Variants in PPP4R3A observed in about 807,000 individuals in gnomAD.
The protein encoded by PPP4R3A is protein phosphatase 4 regulatory subunit 3A.
PPP4R3A carries 15 observed loss-of-function variants against 91.7 expected under a neutral mutation model. That is an observed-to-expected ratio of 0.16 (90% confidence interval 0.11 to 0.25). The LOEUF (loss-of-function observed/expected upper bound fraction) is 0.25, where lower values mean the gene tolerates loss of function less well. Ranked by LOEUF, PPP4R3A falls within the 10% of genes least tolerant of loss-of-function variation. The pLI is 1.00. For synonymous variants in PPP4R3A, 377 were observed against 348.7 expected, an observed-to-expected ratio of 1.08 and a Z score of -0.91; for missense variants, 623 against 998.4, an observed-to-expected ratio of 0.62 and a Z score of 5.07.
intron 10 of PPP4R3A, among the ~76,000 whole-genome samples, chr14:91,469,541 C>T (rs1341943568): frequency 6.6e-6 from 1 of 152,120 alleles, no homozygotes; most frequent in Non-Finnish European, 1.5e-5. Flanking sequence ...TAAAAGAAAG[C>T]AATGTTGCTT....
chr14:91,498,005 T>C (rs189399336), intron 1 of PPP4R3A, among the ~76,000 whole-genome samples: 1 of 152,344 alleles, frequency 6.6e-6, no homozygotes, highest in Admixed American at 6.5e-5. Context: ...GATGAGAATC[T>C]TTCTGGTTTT....
intron 1 of PPP4R3A, among the ~76,000 whole-genome samples, chr14:91,495,795 T>A (rs1197942754): frequency 2.0e-5 from 3 of 152,126 alleles, no homozygotes; most frequent in African/African-American, 7.2e-5. Context: ...AGCGCACGCC[T>A]GTAGTCCTAG....
At chr14:91,503,893 G>A (rs1891114856) in intron 1 of PPP4R3A, among the ~76,000 whole-genome samples, 1 of 152,138 alleles carries the variant, frequency 6.6e-6, no homozygotes, top group African/African-American at 2.4e-5. Flanking sequence ...GAACTTTGCA[G>A]GTATACGGCT....
At chr14:91,507,455 A>AATTATATATACTATATAG (rs1566660499) in intron 1 of PPP4R3A, among the ~76,000 whole-genome samples, 11 of 134,256 alleles carry the variant, frequency 8.2e-5, no homozygotes, top group African/African-American at 3.0e-4. Flanking sequence ...TATATAGTAT[A>AATTATATATACTATATAG]TATACTATAA....
chr14:91,459,954 T>C (rs1168588137), intron 14 of PPP4R3A, among the ~76,000 whole-genome samples: 2 of 152,162 alleles, frequency 1.3e-5, no homozygotes, highest in African/African-American at 4.8e-5. Context: ...TGACTCTTCC[T>C]CATCATTTCA....
intron 4 of PPP4R3A, among the ~76,000 whole-genome samples, chr14:91,478,795 G>C (rs1212867738): frequency 3.3e-5 from 5 of 152,122 alleles, no homozygotes; most frequent in Non-Finnish European, 5.9e-5. Context: ...TTCTAAACAG[G>C]AACAGACATG....
chr14:91,468,018 T>G (rs893319112), intron 10 of PPP4R3A, among the ~76,000 whole-genome samples: 1 of 152,210 alleles, frequency 6.6e-6, no homozygotes, highest in African/African-American at 2.4e-5. Context: ...AAAACTCCTA[T>G]TGCATACTAC....
At chr14:91,507,464 A>AATTATATATACTACATAGTATATATACT (rs1891435661) in intron 1 of PPP4R3A, among the ~76,000 whole-genome samples, 1 of 135,560 alleles carries the variant, frequency 7.4e-6, no homozygotes, top group Non-Finnish European at 1.5e-5. Context: ...TATATACTAT[A>AATTATATATACTACATAGTATATATACT]ATTATATATA....
intron 4 of PPP4R3A, among the ~76,000 whole-genome samples, chr14:91,478,466 T>G (rs1379802580): frequency 6.6e-6 from 1 of 152,252 alleles, no homozygotes; most frequent in Non-Finnish European, 1.5e-5. Flanking sequence ...AAAACATTTG[T>G]AAAATGCTAC....
chr14:91,462,742 G>C lies in PPP4R3A; in HGVS notation c.1966C>G (p.Leu656Val). 1 of 1,613,668 alleles carries C rather than the reference G, an allele frequency of 6.2e-7. No individual in the cohort carries two copies. Among genetic ancestry groups the C allele is most frequent in the Non-Finnish European group, 8.5e-7 (1 of 1,179,800 alleles). The stretch of plus-strand genomic sequence containing the variant: ...AAATATATGGTAATTTACCTGTCAA[G>C]TTTGGGATTATCTTGCCTTTCTCTT... Reference protein sequence around the residue: ...QQRERQDNPKLDSMRSILRNH... With the variant: ...QQRERQDNPKVDSMRSILRNH... The change falls in exon 12 of 15, where the codon CTT (leucine) becomes GTT (valine). Residue 656 changes from leucine (L) to valine (V), a missense_variant. By Grantham distance (32) the Leu-to-Val change is conservative. This residue lies in a region of PPP4R3A where 201 missense variants were observed against 229.9 expected (regional missense o/e 0.87). Coordinates refer to ENST00000554943, the MANE Select transcript of PPP4R3A (RefSeq NM_001366432.2).
At chr14:91,461,711 T>G (rs1888173211) in intron 13 of PPP4R3A, 104 bp from the exon 14 acceptor site, 6 of 1,156,532 alleles carry the variant, frequency 5.2e-6, no homozygotes, top group Non-Finnish European at 7.3e-6. Flanking sequence ...CTACGCTGGG[T>G]AGAAACATTG....
At chr14:91,480,518 G>A (rs988580470) in intron 4 of PPP4R3A, among the ~76,000 whole-genome samples, 9 of 152,180 alleles carry the variant, frequency 5.9e-5, no homozygotes, top group East Asian at 1.9e-4. Context: ...GACTTTTACC[G>A]TATCATTATC....
intron 1 of PPP4R3A, among the ~76,000 whole-genome samples, chr14:91,492,962 C>A (rs1375867885): frequency 6.6e-6 from 1 of 152,176 alleles, no homozygotes; most frequent in Non-Finnish European, 1.5e-5. Context: ...TGCGGTGGCT[C>A]ACACCTATAA....
chr14:91,475,352 C>A, intron 7 of PPP4R3A: 1 of 163,044 alleles, frequency 6.1e-6, no homozygotes, highest in South Asian at 1.6e-4. Flanking sequence ...TGTTTGTGAA[C>A]AACGTAACAG....
At chr14:91,483,204 A>G (rs1391180777) in intron 3 of PPP4R3A, among the ~76,000 whole-genome samples, 1 of 152,216 alleles carries the variant, frequency 6.6e-6, no homozygotes, top group Non-Finnish European at 1.5e-5. Flanking sequence ...TGAACACTAA[A>G]GCAAGTAGAA....
chr14:91,475,953 G>A lies in PPP4R3A; in HGVS notation c.1124C>T (p.Thr375Ile). ...ATCAGTAGCAGCACTTCGCACCTGT[G>A]TATCATCCATGCCCTGCAGACAAAA... ...ALEVILGMDD[T>I]QVRSAATDIF... The change falls in exon 7 of 15, where the codon ACA (threonine) becomes ATA (isoleucine). Residue 375 changes from threonine to isoleucine, a missense_variant. Around this residue, in one of 5 missense-constraint regions of PPP4R3A, gnomAD observed 264 missense variants for 377.3 expected, o/e 0.70. Coordinates refer to ENST00000554943, the MANE Select transcript of PPP4R3A (RefSeq NM_001366432.2). 6.3e-7 allele frequency: 1 copy of A among 1,584,612 alleles called. No homozygotes were observed. The highest frequency in any genetic ancestry group is 8.5e-7 in the Non-Finnish European group (1 of 1,171,108).
intron 7 of PPP4R3A, among the ~76,000 whole-genome samples, chr14:91,474,084 T>C (rs1458383760): frequency 6.6e-6 from 1 of 152,222 alleles, no homozygotes; most frequent in Non-Finnish European, 1.5e-5. Flanking sequence ...CTTTTATTAT[T>C]ATAGAGTCCT....
chr14:91,485,480 A>C (rs1479890788), intron 3 of PPP4R3A, 152 bp downstream of exon 3: 1 of 626,902 alleles, frequency 1.6e-6, no homozygotes, highest in Non-Finnish European at 2.8e-6. Flanking sequence ...AGTGTCAATA[A>C]ATTACACCTT....
chr14:91,476,884 C>A (rs1595062873), intron 5 of PPP4R3A, 25 bp downstream of exon 5: 1 of 1,553,496 alleles, frequency 6.4e-7, no homozygotes, highest in African/African-American at 1.4e-5. Context: ...TATTTTTATG[C>A]CTTTCATAGT....
Sources: gnomAD v4.1 joint callset for allele counts (sites outside exome capture counted in the v4.1 genomes callset) on GRCh38, gnomAD v4.1.1 for gene constraint, gnomAD v4.1.1 regional missense constraint, MANE v1.5 for transcripts, NCBI Gene and HGNC (gene_info 2026-07-23, HGNC 2026-07-21) for gene names.